The following RABEPK variants were observed in gnomAD, a reference collection of about 807,000 sequenced individuals.
RABEPK encodes the protein 40 kDa Rab9 effector protein.
A neutral mutation model predicts 34.1 loss-of-function variants in RABEPK; 27 were observed. The ratio of observed to expected loss-of-function variants is 0.79; its 90% CI spans 0.58 to 1.09. The LOEUF is 1.09. Ranked by LOEUF, RABEPK falls within the 50% of genes least tolerant of loss-of-function variation. The pLI, the probability that RABEPK is intolerant of heterozygous loss-of-function variation, is 0.00. For missense variants in RABEPK, 449 were observed against 462.6 expected (o/e 0.97, Z 0.27); for synonymous variants, 172 against 169.2 (o/e 1.02, Z -0.13).
At chr9:125,222,713 CA>C (rs756826019) in intron 5 of RABEPK, among the ~76,000 whole-genome samples, 3,457 of 48,360 alleles carry the variant, frequency 0.071, 23 homozygotes, top group Non-Finnish European at 0.096. Context: ...GACTCTGTAT[CA>C]AAAAAAAAAA....
In RABEPK at chr9:125,207,670, G is replaced by T; in HGVS notation, c.160G>T (p.Gly54Trp). 2 of 1,614,126 alleles carry T rather than the reference G, an allele frequency of 1.2e-6. No individual in the cohort carries two copies. Among genetic ancestry groups the T allele is most frequent in the Non-Finnish European group, 1.7e-6 (2 of 1,179,982 alleles). Residue 54 changes from glycine (G) to tryptophan (W), a missense_variant, in exon 3 of 8, where the codon GGG becomes TGG. By Grantham distance (184) the Gly-to-Trp change is radical. Coordinates refer to ENST00000373538, the MANE Select transcript of RABEPK (RefSeq NM_005833.4). Reference protein sequence around the residue: ...NAKRGKVFIVGGANPNRSFSD... With the variant: ...NAKRGKVFIVWGANPNRSFSD... ...CAAGAGAGGGAAGGTCTTCATTGTT[G>T]GGGGAGCAAATCCAAACAGAAGCTT...
rs750211838 is a variant in RABEPK, at chr9:125,227,957, C to T, written c.574C>T (p.Pro192Ser). The T allele has an allele frequency of 1.2e-6, 2 of 1,609,148 alleles. No individual in the cohort carries two copies. The highest frequency in any genetic ancestry group is 1.7e-5 in the Admixed American group (1 of 59,528). The change falls in exon 6 of 8, where the codon CCC (proline) becomes TCC (serine). Residue 192 changes from proline to serine, a missense_variant. Coordinates refer to ENST00000373538, the MANE Select transcript of RABEPK (RefSeq NM_005833.4). ...AGAGACACTTGGAAATCCTCCATCT[C>T]CCCGGCATGGTCATGTGATGGTGGC... ...QPETLGNPPS[P>S]RHGHVMVAAG...
At chr9:125,205,329 C>G (rs1238916463) in intron 2 of RABEPK, among the ~76,000 whole-genome samples, 1 of 152,134 alleles carries the variant, frequency 6.6e-6, no homozygotes, top group East Asian at 1.9e-4. Context: ...GTTTCTTTTC[C>G]CAACTAGTCT....
intron 2 of RABEPK, among the ~76,000 whole-genome samples, chr9:125,205,324 T>C (rs1213624227): frequency 6.6e-6 from 1 of 152,226 alleles, no homozygotes; most frequent in Non-Finnish European, 1.5e-5. Context: ...TGAATGTTTC[T>C]TTTCCCAACT....
intron 5 of RABEPK, among the ~76,000 whole-genome samples, chr9:125,222,843 T>C (rs1299701250): frequency 6.6e-6 from 1 of 152,130 alleles, no homozygotes; most frequent in Non-Finnish European, 1.5e-5. Flanking sequence ...TGATGATTAT[T>C]ATATAAATAT....
intron 4 of RABEPK, among the ~76,000 whole-genome samples, chr9:125,215,293 G>C (rs1445180245): frequency 1.4e-5 from 2 of 141,232 alleles, no homozygotes; most frequent in African/African-American, 5.3e-5. Flanking sequence ...TGTTTTTTTT[G>C]GGTTTTTTTA....
intron 5 of RABEPK, among the ~76,000 whole-genome samples, chr9:125,227,526 A>G (rs560834199): frequency 1.3e-5 from 2 of 151,844 alleles, no homozygotes; most frequent in East Asian, 3.9e-4. Flanking sequence ...GGTTCAAGCA[A>G]TTCTCCTGCC....
chr9:125,216,310 T>C (rs940356024), intron 4 of RABEPK, among the ~76,000 whole-genome samples: 1 of 152,030 alleles, frequency 6.6e-6, no homozygotes, highest in Admixed American at 6.6e-5. Context: ...ACCTGGACAT[T>C]TTTCACATGT....
chr9:125,204,908 G>T, intron 2 of RABEPK, among the ~76,000 whole-genome samples: 2 of 152,192 alleles, frequency 1.3e-5, no homozygotes, highest in Non-Finnish European at 2.9e-5. Context: ...GCTCATTATA[G>T]CCTCGACCTC....
intron 3 of RABEPK, among the ~76,000 whole-genome samples, chr9:125,211,193 C>T (rs1233984397): frequency 6.6e-6 from 1 of 150,974 alleles, no homozygotes. Flanking sequence ...GCCGAGATCG[C>T]GCCACTGCAC....
At chr9:125,226,862 T>C (rs1003202133) in intron 5 of RABEPK, among the ~76,000 whole-genome samples, 6 of 130,088 alleles carry the variant, frequency 4.6e-5, no homozygotes, top group Non-Finnish European at 8.1e-5. Flanking sequence ...AGACTCTGTC[T>C]GCAAAAAATA....
chr9:125,207,638 G>C lies in RABEPK; in HGVS notation c.128G>C (p.Gly43Ala), dbSNP rs753657015. The change falls in exon 3 of 8, where the codon GGT becomes GCT. Residue 43 changes from glycine to alanine, a missense_variant. Gly to Ala is a moderately conservative substitution (Grantham distance 60, BLOSUM62 0). Transcript: ENST00000373538. Reference protein sequence around the residue: ...GHSCSYLPPVGNAKRGKVFIV... With the variant: ...GHSCSYLPPVANAKRGKVFIV... The stretch of plus-strand genomic sequence containing the variant: ...AGCTGTTCATATTTACCCCCAGTTG[G>C]TAATGCCAAGAGAGGGAAGGTCTTC... 1 of 1,614,162 alleles carries C rather than the reference G, an allele frequency of 6.2e-7. No homozygotes were observed. The highest frequency in any genetic ancestry group is 8.5e-7 in the Non-Finnish European group (1 of 1,179,996).
At chr9:125,229,204 A>G (rs757205905) in intron 6 of RABEPK, among the ~76,000 whole-genome samples, 8 of 152,164 alleles carry the variant, frequency 5.3e-5, no homozygotes, top group East Asian at 1.9e-4. Flanking sequence ...CAGTGATCCA[A>G]GATCATGCCA....
intron 1 of RABEPK, among the ~76,000 whole-genome samples, chr9:125,201,167 A>C (rs1469507147): frequency 6.6e-6 from 1 of 152,216 alleles, no homozygotes; most frequent in African/African-American, 2.4e-5. Context: ...AGTAACTTGG[A>C]TGTGGGTGGA....
At chr9:125,212,614 A>G (rs1431009088) in intron 3 of RABEPK, among the ~76,000 whole-genome samples, 5 of 151,772 alleles carry the variant, frequency 3.3e-5, no homozygotes, top group African/African-American at 1.2e-4. Context: ...AAAAGGGGGA[A>G]TTTATTTAGT....
At chr9:125,213,570 C>A in intron 4 of RABEPK, 48 bp downstream of exon 4, 4 of 1,426,724 alleles carry the variant, frequency 2.8e-6, no homozygotes, top group Non-Finnish European at 2.0e-6. Context: ...AATAAACTTT[C>A]ATGCACACAC....
rs1831261286 is a variant in RABEPK at position 125,220,623 on chromosome 9, A to G, written c.449A>G (p.Asn150Ser). The G allele has an allele frequency of 2.5e-6, 4 of 1,614,148 alleles. No individual in the cohort carries two copies. In the African/African-American group the frequency reaches 5.3e-5, roughly 22 times the overall value. Residue 150 changes from asparagine to serine, a missense_variant, in exon 5 of 8, where the codon AAC becomes AGC. Coordinates refer to ENST00000373538, the MANE Select transcript of RABEPK (RefSeq NM_005833.4). The stretch of plus-strand genomic sequence containing the variant: ...CACACATCATCGGCAGCCATTGGAA[A>G]CCAGCTATATGTCTTTGGGGGCGGA... ...TFHTSSAAIGNQLYVFGGGER... is the reference protein window; with the variant it reads ...TFHTSSAAIGSQLYVFGGGER...
Position 125,232,580 on chromosome 9 carries a change from T to C in RABEPK, c.677-16T>C. On this transcript the variant is annotated splice_polypyrimidine_tract_variant and intron_variant, in intron 6 of 7. Coordinates refer to ENST00000373538, the MANE Select transcript of RABEPK (RefSeq NM_005833.4). ...TTAGCCCATGCTGCGCCAAAGCTCT[T>C]TCTTTCTCTTGGCAGGTGACATGAA... 1.2e-6 allele frequency: 2 copies of C among 1,606,680 alleles called. No individual in the cohort carries two copies. The highest frequency in any genetic ancestry group is 1.7e-6 in the Non-Finnish European group (2 of 1,176,108).
chr9:125,226,640 C>A (rs943564016), intron 5 of RABEPK, among the ~76,000 whole-genome samples: 7 of 151,546 alleles, frequency 4.6e-5, no homozygotes, highest in East Asian at 1.9e-4. Flanking sequence ...CCAAGGTGGG[C>A]GAATCACGAG....
Sources: gnomAD v4.1 joint callset for allele counts (sites outside exome capture counted in the v4.1 genomes callset) on GRCh38, gnomAD v4.1.1 for gene constraint, MANE v1.5 for transcripts, NCBI Gene and HGNC (gene_info 2026-07-23, HGNC 2026-07-21) for gene names.